Variants in OGT observed in about 807,000 individuals in gnomAD.
OGT encodes O-linked N-acetylglucosamine (GlcNAc) transferase, also known as UDP-N-acetylglucosamine--peptide N-acetylglucosaminyltransferase 110 kDa subunit.
Under a neutral mutation model 75.8 loss-of-function variants are expected in OGT, and 3 were observed. The observed-to-expected ratio is 0.04, with a 90% CI of 0.02 to 0.10. The LOEUF is 0.10. Ranked by LOEUF, OGT falls within the 10% of genes least tolerant of loss-of-function variation. OGT has a pLI of 1.00. For synonymous variants in OGT, 257 were observed against 289.7 expected (o/e 0.89, Z 1.15); for missense variants, 260 against 824.4 (o/e 0.32, Z 8.38).
In OGT at chrX:71,561,893, C is replaced by T. The variant is rs2040387073; in HGVS notation, c.1970C>T (p.Pro657Leu). The T allele has an allele frequency of 8.4e-7, 1 of 1,191,253 alleles. No individual in the cohort carries two copies. Reference sequence around the variant, plus strand: ...GAGCTTTTTGCTCTCAGGCCAGCTCCTATTCAGGTAAACAAATTAACAGTC... The same window carrying T: ...GAGCTTTTTGCTCTCAGGCCAGCTCTTATTCAGGTAAACAAATTAACAGTC... The part of the protein sequence containing the change: ...RNELFALRPA[P>L]IQAMWLGYPG... Residue 657 changes from proline to leucine, a missense_variant, in exon 15 of 22, where the codon CCT (proline) becomes CTT (leucine). Pro to Leu is a moderately conservative substitution (Grantham distance 98, BLOSUM62 -3). Transcript: ENST00000373719.
chrX:71,555,092 G>A, intron 6 of OGT, 98 bp from the exon 7 acceptor site: 1 of 598,356 alleles, frequency 1.7e-6, no homozygotes, highest in East Asian at 3.6e-5. Flanking sequence ...AGTACAGCTT[G>A]AATGAGTTGT....
chrX:71,549,646 C>T lies in OGT; in HGVS notation c.648+1623C>T, dbSNP rs73544855. 9.9e-3 allele frequency among the ~76,000 whole-genome samples: 1,099 copies of T among 110,731 alleles called. 19 individuals carry two copies. The highest frequency in any genetic ancestry group is 0.034 in the African/African-American group (1,019 of 30,410). On this transcript the variant is annotated intron_variant, in intron 5 of 21. Coordinates refer to ENST00000373719, the MANE Select transcript of OGT (RefSeq NM_181672.3). ...ACAAAAAATACAAAAAGTAGCTATG[C>T]GTGGTGACACACACACAGCTACTGG...
intron 1 of OGT, among the ~76,000 whole-genome samples, chrX:71,535,022 C>T (rs2040164909): frequency 9.0e-6 from 1 of 111,070 alleles, no homozygotes; most frequent in Admixed American, 9.6e-5. Context: ...GTCACCTTAA[C>T]CTTGGTAGAA....
chrX:71,561,702 A>G (rs953779723), intron 14 of OGT, 73 bp from the exon 15 acceptor site: 6 of 908,608 alleles, frequency 6.6e-6, no homozygotes, highest in Non-Finnish European at 8.8e-6. Flanking sequence ...ACTAAATGCC[A>G]TTAAAACTAA....
rs946161546 is a variant in OGT, at chrX:71,575,731, C to T, written c.*1937C>T. On this transcript the variant is annotated 3_prime_UTR_variant, in exon 22 of 22. Coordinates refer to ENST00000373719, the MANE Select transcript of OGT (RefSeq NM_181672.3). The stretch of plus-strand genomic sequence containing the variant: ...AGGCTTTTATTTCCAGGTAATATGT[C>T]TTGGAAGACTTAATTCTGATTAGAG... The T allele has an allele frequency of 8.9e-6, 1 of 112,177 alleles. No individual in the cohort carries two copies. Among genetic ancestry groups the T allele is most frequent in the Non-Finnish European group, 1.9e-5 (1 of 53,206 alleles). 9.2% of individuals were successfully genotyped at this position (112,177 alleles called of 1,213,427 possible).
At chrX:71,533,454 G>T in intron 1 of OGT, 118 bp downstream of exon 1, 1 of 683,791 alleles carries the variant, frequency 1.5e-6, no homozygotes, top group Non-Finnish European at 2.3e-6. Context: ...CAGTGACATT[G>T]CTAAGCTTTT....
intron 5 of OGT, among the ~76,000 whole-genome samples, chrX:71,553,462 GGT>G (rs1032867378): frequency 3.6e-5 from 4 of 109,725 alleles, no homozygotes; most frequent in African/African-American, 1.3e-4. Context: ...ATACCTTTTC[GGT>G]GTGTGTGTTT....
At chrX:71,561,923 C>T in intron 15 of OGT, 23 bp downstream of exon 15, 1 of 1,161,682 alleles carries the variant, frequency 8.6e-7, no homozygotes, top group Non-Finnish European at 1.2e-6. Flanking sequence ...ACAGTCATCA[C>T]TTATAACATG....
At position 71,544,563 on chromosome X, in the gene OGT, CT is replaced by C. The variant is rs2147672788; in HGVS notation, c.463-3del. Reference sequence around the variant, plus strand: ...AATTAATGACAGCGTCTCTGGGTTTCTAGGATTTGTACTGTGTTCGCAGTGA... The same window carrying C: ...AATTAATGACAGCGTCTCTGGGTTTCAGGATTTGTACTGTGTTCGCAGTGA... On this transcript the variant is annotated splice_polypyrimidine_tract_variant and splice_region_variant and intron_variant, in intron 3 of 21. Transcript: ENST00000373719. 1 of 1,207,921 alleles carries C rather than the reference CT, an allele frequency of 8.3e-7. No homozygotes were observed. The highest frequency in any genetic ancestry group is 3.0e-5 in the East Asian group (1 of 33,843).
rs372672804 is a variant in OGT, at chrX:71,563,518, A to G, written c.2436+19A>G. 3.5e-5 allele frequency: 40 copies of G among 1,132,022 alleles called. No homozygotes were observed. The highest frequency in any genetic ancestry group is 4.5e-5 in the Non-Finnish European group (38 of 839,037). 93.3% of individuals were successfully genotyped at this position (1,132,022 alleles called of 1,213,427 possible). A position where few individuals can be genotyped will look rare whatever the true frequency, so the allele number is the denominator to read the frequency against. ...TACTCAGGTGAGAAGATAATAATACACCATTATATGTCCCGCCAAGTATGC... is the reference window on the plus strand; with the variant it reads ...TACTCAGGTGAGAAGATAATAATACGCCATTATATGTCCCGCCAAGTATGC... On this transcript the variant is annotated intron_variant, in intron 18 of 21. Transcript: ENST00000373719.
In OGT at chrX:71,575,782, G is replaced by T. The variant is rs1284531985; in HGVS notation, c.*1988G>T. On this transcript the variant is annotated 3_prime_UTR_variant, in exon 22 of 22. Transcript: ENST00000373719. ...ATATAGATATTACTGGAAACTAATT[G>T]TTTTTTTTCTATTGTACTCTGCTTT... 1.8e-5 allele frequency: 2 copies of T among 111,713 alleles called. No individual in the cohort carries two copies. The highest frequency in any genetic ancestry group is 3.8e-5 in the Non-Finnish European group (2 of 53,013). 9.2% of individuals were successfully genotyped at this position (111,713 alleles called of 1,213,427 possible). A position where few individuals can be genotyped will look rare whatever the true frequency, so the allele number is the denominator to read the frequency against.
chrX:71,534,931 A>G (rs760573151), intron 1 of OGT, among the ~76,000 whole-genome samples: 3 of 111,829 alleles, frequency 2.7e-5, no homozygotes, highest in African/African-American at 9.8e-5. Context: ...GCATTCTGTC[A>G]GGAAATTTAC....
rs2040395005 is a variant in OGT at position 71,563,116 on chromosome X, A to G, written c.2149-14A>G. The stretch of plus-strand genomic sequence containing the variant: ...AATCCTAAAAGACATGTCTGAAACT[A>G]TTTTTTCCATTAGAAAAAAGCAGTC... On this transcript the variant is annotated splice_polypyrimidine_tract_variant and intron_variant, in intron 16 of 21. Coordinates refer to ENST00000373719, the MANE Select transcript of OGT (RefSeq NM_181672.3). 1 of 1,198,298 alleles carries G rather than the reference A, an allele frequency of 8.3e-7. No homozygotes were observed. Among genetic ancestry groups the G allele is most frequent in the African/African-American group, 1.8e-5 (1 of 56,953 alleles).
At chrX:71,535,204 G>T (rs2040166804) in intron 1 of OGT, among the ~76,000 whole-genome samples, 1 of 103,975 alleles carries the variant, frequency 9.6e-6, no homozygotes, top group Non-Finnish European at 2.0e-5. Flanking sequence ...TAAGTCACTT[G>T]CAGCGAAGTG....
chrX:71,552,737 A>G (rs1388916571), intron 5 of OGT, among the ~76,000 whole-genome samples: 2 of 102,981 alleles, frequency 1.9e-5, no homozygotes, highest in Non-Finnish European at 3.9e-5. Context: ...TCTGTTAGGT[A>G]TGATAATGGT....
At chrX:71,563,611 G>A (rs2040398418) in intron 18 of OGT, 112 bp downstream of exon 18, 2 of 596,348 alleles carry the variant, frequency 3.4e-6, no homozygotes, top group Non-Finnish European at 5.1e-6. Flanking sequence ...TTATGGATGA[G>A]GAAATGAGTT....
At chrX:71,563,293 C>T (rs1340882927) in intron 17 of OGT, 36 bp from the exon 18 acceptor site, 1 of 1,202,092 alleles carries the variant, frequency 8.3e-7, no homozygotes, top group Admixed American at 2.2e-5. Context: ...TAACTGCATT[C>T]ACGATCTTTT....
chrX:71,547,815 C>T (rs1390581444), intron 4 of OGT, 92 bp from the exon 5 acceptor site: 1 of 1,096,202 alleles, frequency 9.1e-7, no homozygotes, highest in Non-Finnish European at 1.2e-6. Flanking sequence ...TCTTCCCCCC[C>T]TCCCCCCAAT....
At chrX:71,534,838 G>A (rs922846052) in intron 1 of OGT, among the ~76,000 whole-genome samples, 3 of 111,961 alleles carry the variant, frequency 2.7e-5, no homozygotes, top group African/African-American at 9.7e-5. Context: ...TAGCTAAAAT[G>A]TAATTTTAGT....
Sources: gnomAD v4.1 joint callset for allele counts (sites outside exome capture counted in the v4.1 genomes callset) on GRCh38, gnomAD v4.1.1 for gene constraint, MANE v1.5 for transcripts, NCBI Gene and HGNC (gene_info 2026-07-23, HGNC 2026-07-21) for gene names.